The following PLCG2 variants were observed in gnomAD, a reference collection of about 807,000 sequenced individuals.
The protein encoded by PLCG2 is phospholipase C gamma 2, also known as 1-phosphatidylinositol 4,5-bisphosphate phosphodiesterase gamma-2.
PLCG2 carries 69 observed loss-of-function variants against 175.6 expected under a neutral mutation model. The ratio of observed to expected loss-of-function variants is 0.39; its 90% CI spans 0.32 to 0.48. The LOEUF (loss-of-function observed/expected upper bound fraction) is 0.48. PLCG2 is among the 20% of genes least tolerant of loss of function. The pLI is 0.91. For synonymous variants in PLCG2, 827 were observed against 624.0 expected (o/e 1.33, Z -4.85); for missense variants, 1,798 against 1,650.9 (o/e 1.09, Z -1.54).
At chr16:81,918,187 A>G (rs1274476290) in intron 19 of PLCG2, among the ~76,000 whole-genome samples, 2 of 152,148 alleles carry the variant, frequency 1.3e-5, no homozygotes, top group African/African-American at 4.8e-5. Context: ...GGCTATGTAG[A>G]AGCCTCTTAG....
intron 2 of PLCG2, among the ~76,000 whole-genome samples, chr16:81,786,931 A>C (rs1464826725): frequency 6.6e-6 from 1 of 152,224 alleles, no homozygotes; most frequent in Non-Finnish European, 1.5e-5. Context: ...GCTCATTACC[A>C]GTTACTTTTA....
chr16:81,884,259 G>A (rs989379231), intron 9 of PLCG2, among the ~76,000 whole-genome samples: 2 of 152,154 alleles, frequency 1.3e-5, no homozygotes, highest in Admixed American at 6.5e-5. Flanking sequence ...GCTGAGGCAG[G>A]AGAATGGCTT....
intron 27 of PLCG2, among the ~76,000 whole-genome samples, chr16:81,936,949 G>T (rs1002552472): frequency 6.6e-6 from 1 of 152,196 alleles, no homozygotes; most frequent in African/African-American, 2.4e-5. Context: ...GGAGGCACAT[G>T]TAGGTATTCC....
chr16:81,925,576 G>A (rs1033747356), intron 22 of PLCG2, among the ~76,000 whole-genome samples: 1 of 152,188 alleles, frequency 6.6e-6, no homozygotes, highest in African/African-American at 2.4e-5. Context: ...CCACCACGGA[G>A]CACAGACTTG....
rs1444862655 is a variant in PLCG2, at chr16:81,958,101, A to G, written c.*103A>G. Reference sequence around the variant, plus strand: ...CTCTGGGAAGACGCTAATCTGTGACATCTTTTCTTCAAGCCTGCCATCAAG... The same window carrying G: ...CTCTGGGAAGACGCTAATCTGTGACGTCTTTTCTTCAAGCCTGCCATCAAG... On this transcript the variant is annotated 3_prime_UTR_variant, in exon 33 of 33. Coordinates refer to ENST00000564138, the MANE Select transcript of PLCG2 (RefSeq NM_002661.5). 1.5e-5 allele frequency: 12 copies of G among 815,288 alleles called. No homozygotes were observed. The highest frequency in any genetic ancestry group is 2.3e-5 in the Non-Finnish European group (11 of 470,156). The allele number at this position is 815,288 out of a possible 1,614,324, so 50.5% of individuals were successfully genotyped here.
chr16:81,874,343 G>C (rs1369218211), intron 7 of PLCG2, among the ~76,000 whole-genome samples: 2 of 152,110 alleles, frequency 1.3e-5, no homozygotes, highest in African/African-American at 4.8e-5. Flanking sequence ...TTTTGCTTTG[G>C]CAACCCTCAT....
chr16:81,853,886 T>A (rs4072681), intron 2 of PLCG2, among the ~76,000 whole-genome samples: 1 of 151,854 alleles, frequency 6.6e-6, no homozygotes, highest in Non-Finnish European at 1.5e-5. Flanking sequence ...GAACCCCTGT[T>A]ACCATCCCCA....
intron 1 of PLCG2, among the ~76,000 whole-genome samples, chr16:81,745,481 G>A (rs943173899): frequency 3.9e-5 from 6 of 152,056 alleles, no homozygotes; most frequent in Non-Finnish European, 5.9e-5. Flanking sequence ...TTTAACAACC[G>A]AGATAACATG....
At chr16:81,940,178 C>G (rs543093534) in intron 30 of PLCG2, 119 bp downstream of exon 30, 15 of 872,430 alleles carry the variant, frequency 1.7e-5, no homozygotes, top group African/African-American at 1.6e-4. Flanking sequence ...CACTGTAAAA[C>G]CGATTGGGTG....
chr16:81,791,942 C>T (rs1911251190), intron 2 of PLCG2, among the ~76,000 whole-genome samples: 1 of 152,182 alleles, frequency 6.6e-6, no homozygotes, highest in Admixed American at 6.5e-5. Context: ...CTACAGGCTT[C>T]TTACGACAGC....
At chr16:81,803,582 C>CTTTCCTTTCCTTTCCTTTCT (rs1388648837) in intron 2 of PLCG2, among the ~76,000 whole-genome samples, 10 of 141,090 alleles carry the variant, frequency 7.1e-5, no homozygotes, top group African/African-American at 2.4e-4. Context: ...CTTTCCTTTC[C>CTTTCCTTTCCTTTCCTTTCT]TTTCTTTTCT....
At chr16:81,914,558 C>T (rs944360130) in intron 19 of PLCG2, among the ~76,000 whole-genome samples, 6 of 152,252 alleles carry the variant, frequency 3.9e-5, no homozygotes, top group Admixed American at 3.9e-4. Flanking sequence ...TTGGAGGTGT[C>T]TTGAGAATGG....
chr16:81,940,436 A>AG (rs113513343), intron 30 of PLCG2, among the ~76,000 whole-genome samples: 4 of 151,646 alleles, frequency 2.6e-5, no homozygotes, highest in African/African-American at 9.7e-5. Flanking sequence ...GAGGGTGGCA[A>AG]GGGAGAGACC....
At chr16:81,884,380 C>G (rs774696738) in intron 9 of PLCG2, among the ~76,000 whole-genome samples, 11 of 151,550 alleles carry the variant, frequency 7.3e-5, no homozygotes, top group Admixed American at 2.0e-4. Flanking sequence ...CACCCCCACC[C>G]CACCAAAAAA....
intron 5 of PLCG2, among the ~76,000 whole-genome samples, chr16:81,860,711 C>G (rs1040043924): frequency 1.3e-5 from 2 of 152,114 alleles, no homozygotes; most frequent in Non-Finnish European, 2.9e-5. Context: ...TGGTGTACAC[C>G]TATATTCCCA....
At chr16:81,742,293 T>C (rs1432675506) in intron 1 of PLCG2, among the ~76,000 whole-genome samples, 1 of 152,138 alleles carries the variant, frequency 6.6e-6, no homozygotes, top group Non-Finnish European at 1.5e-5. Context: ...GCATTCAACC[T>C]GCTAGGTGCC....
At position 81,862,512 on chromosome 16, in the gene PLCG2, C is replaced by G. The variant is rs566601529; in HGVS notation, c.479+3349C>G. On this transcript the variant is annotated intron_variant, in intron 5 of 32. Transcript: ENST00000564138. ...GCAGCCCAGGTTGTCAGGGGTGGCA[C>G]CAGGGTTTGCAGACTTACTTTCCCC... is the stretch of plus-strand genomic sequence containing the variant. 2.6e-5 allele frequency among the ~76,000 whole-genome samples: 4 copies of G among 152,278 alleles called. No homozygotes were observed. The East Asian group carries it at 7.7e-4, about 29-fold the overall frequency.
intron 2 of PLCG2, among the ~76,000 whole-genome samples, chr16:81,833,055 CAG>C (rs1172362575): frequency 6.6e-6 from 1 of 152,196 alleles, no homozygotes; most frequent in Non-Finnish European, 1.5e-5. Context: ...GGCAACCTCT[CAG>C]AGAGGGGGTG....
intron 2 of PLCG2, among the ~76,000 whole-genome samples, chr16:81,764,544 C>A (rs1247111942): frequency 6.6e-6 from 1 of 152,176 alleles, no homozygotes; most frequent in African/African-American, 2.4e-5. Flanking sequence ...CAAGCGTGCC[C>A]CGTGCAGGTC....
Sources: gnomAD v4.1 joint callset for allele counts (sites outside exome capture counted in the v4.1 genomes callset) on GRCh38, gnomAD v4.1.1 for gene constraint, MANE v1.5 for transcripts, NCBI Gene and HGNC (gene_info 2026-07-23, HGNC 2026-07-21) for gene names.